TRIM37: variants seen among roughly 807,000 people sequenced by gnomAD.
The protein encoded by TRIM37 is E3 ubiquitin-protein ligase TRIM37.
In TRIM37, 80 loss-of-function variants were observed where a neutral mutation model predicts 129.8. That is an observed-to-expected ratio of 0.62 (90% confidence interval 0.51 to 0.74). The LOEUF (loss-of-function observed/expected upper bound fraction) is 0.74. TRIM37 is among the 30% of genes least tolerant of loss of function. The pLI is 0.00. For synonymous variants in TRIM37, 389 were observed against 387.1 expected, an observed-to-expected ratio of 1.00 and a Z score of -0.06; for missense variants, 1,054 against 1,176.5, an observed-to-expected ratio of 0.90 and a Z score of 1.52.
At chr17:59,090,279 T>A (rs1351774713) in intron 3 of TRIM37, among the ~76,000 whole-genome samples, 1 of 152,222 alleles carries the variant, frequency 6.6e-6, no homozygotes, top group East Asian at 1.9e-4. Context: ...GACTTATGTA[T>A]ACATACAATC....
At chr17:59,034,511 C>T (rs898631745) in intron 17 of TRIM37, among the ~76,000 whole-genome samples, 3 of 151,930 alleles carry the variant, frequency 2.0e-5, no homozygotes, top group African/African-American at 7.3e-5. Context: ...AGGCATGCAG[C>T]ACCATGCCTG....
chr17:58,969,165 C>G, the TRIM37 span, among the ~76,000 whole-genome samples: 1 of 152,130 alleles, frequency 6.6e-6, no homozygotes, highest in Non-Finnish European at 1.5e-5. Flanking sequence ...CAATCTGGAG[C>G]TGCTTTTGTT....
the TRIM37 span, among the ~76,000 whole-genome samples, chr17:58,975,259 T>C: frequency 1.3e-5 from 2 of 152,242 alleles, no homozygotes; most frequent in African/African-American, 2.4e-5. Flanking sequence ...GAGGATCATC[T>C]TTAATACTTG....
downstream of TRIM37, chr17:58,980,319 A>C (rs746918842): frequency 6.8e-6 from 11 of 1,614,156 alleles, no homozygotes; most frequent in Non-Finnish European, 7.6e-6. The surrounding 1 kb of genome is among the most constrained non-coding windows in gnomAD (Gnocchi z 4.7). Flanking sequence ...GGGGATGATA[A>C]GGAGAATCAT....
intron 3 of TRIM37, 30 bp downstream of exon 3, chr17:59,091,270 A>C: frequency 6.3e-7 from 1 of 1,576,482 alleles, no homozygotes; most frequent in Non-Finnish European, 8.7e-7. Flanking sequence ...TATTTTCAAA[A>C]TTCACAAATA....
chr17:58,983,303 ATT>A (rs2031489555), intron 24 of TRIM37: 1 of 170,584 alleles, frequency 5.9e-6, no homozygotes, highest in African/African-American at 2.4e-5. Context: ...CAACATGCGT[ATT>A]TATAGAGTAG....
intron 16 of TRIM37, among the ~76,000 whole-genome samples, chr17:59,046,560 CAG>C (rs2039822513): frequency 1.3e-5 from 1 of 78,288 alleles, no homozygotes; most frequent in East Asian, 4.1e-4. Flanking sequence ...TTTTTTGAGA[CAG>C]AGTCTCAACT....
chr17:59,075,650 G>A lies in TRIM37; in HGVS notation c.681C>T (p.His227=). ...ATTACATTTAATATTTCATCACCTG[G>A]TGCTCCACCTCCTGAAGTAAGGATT... The part of the protein sequence containing the change: ...LLESLLQEVE[H]QLRSCSKSEL... Residue 227 remains histidine, a synonymous_variant, in exon 8 of 24, where the codon CAC becomes CAT. Coordinates refer to ENST00000262294, the MANE Select transcript of TRIM37 (RefSeq NM_015294.6). The A allele has an allele frequency of 1.2e-6, 2 of 1,602,260 alleles. No individual in the cohort carries two copies. The highest frequency in any genetic ancestry group is 2.2e-5 in the East Asian group (1 of 44,800).
intron 16 of TRIM37, among the ~76,000 whole-genome samples, chr17:59,047,014 C>T (rs1401787247): frequency 6.6e-6 from 1 of 151,478 alleles, no homozygotes; most frequent in African/African-American, 2.4e-5. Context: ...ATTAGCTGGG[C>T]GAGGTGGCGG....
chr17:59,087,471 T>TTTTTTC (rs2043868601), intron 4 of TRIM37, among the ~76,000 whole-genome samples: 1 of 150,562 alleles, frequency 6.6e-6, no homozygotes, highest in South Asian at 2.1e-4. Context: ...TTTTTTTTTT[T>TTTTTTC]TTTTCTTTTT....
At chr17:59,092,100 C>CA (rs534559593) in intron 2 of TRIM37, among the ~76,000 whole-genome samples, 26 of 151,908 alleles carry the variant, frequency 1.7e-4, no homozygotes, top group African/African-American at 6.3e-4. Context: ...AGTCTTAAAA[C>CA]AGTTTCACAG....
At chr17:59,052,305 G>C (rs2040425949) in intron 13 of TRIM37, among the ~76,000 whole-genome samples, 1 of 151,748 alleles carries the variant, frequency 6.6e-6, no homozygotes, top group African/African-American at 2.4e-5. Flanking sequence ...AAAAATTGCA[G>C]TGCATGTGTG....
At chr17:58,982,877 T>C in exon 25 of TRIM37, 1 of 1,564,236 alleles carries the variant, frequency 6.4e-7, no homozygotes, top group Non-Finnish European at 8.7e-7. Flanking sequence ...GAAGCCTAGA[T>C]CTTGTTAACC....
At chr17:59,039,205 C>A (rs911854917) in intron 17 of TRIM37, among the ~76,000 whole-genome samples, 2 of 152,176 alleles carry the variant, frequency 1.3e-5, no homozygotes, top group Non-Finnish European at 1.5e-5. Flanking sequence ...ATGTTCACAG[C>A]TCCTCCTATA....
intron 19 of TRIM37, among the ~76,000 whole-genome samples, chr17:59,022,807 C>A (rs1259921967): frequency 6.6e-6 from 1 of 151,988 alleles, no homozygotes; most frequent in African/African-American, 2.4e-5. Flanking sequence ...AAAAGATATT[C>A]GGCCTCACCT....
At chr17:59,013,392 C>G (rs2035543457) in intron 21 of TRIM37, among the ~76,000 whole-genome samples, 1 of 152,152 alleles carries the variant, frequency 6.6e-6, no homozygotes, top group Admixed American at 6.6e-5. Flanking sequence ...AGTGATCTGC[C>G]CACCTCAGCT....
intron 24 of TRIM37, among the ~76,000 whole-genome samples, chr17:58,991,215 G>T (rs2032371799): frequency 6.6e-6 from 1 of 150,376 alleles, no homozygotes; most frequent in Non-Finnish European, 1.5e-5. Flanking sequence ...CCTCCTAGTT[G>T]GTTACACTGG....
intron 4 of TRIM37, 178 bp downstream of exon 4, chr17:59,088,113 A>C (rs998094690): frequency 1.6e-5 from 10 of 619,982 alleles, no homozygotes; most frequent in African/African-American, 1.5e-4. Context: ...ACTGTTGTTA[A>C]ATAAACACAA....
chr17:59,015,008 C>T (rs1285657101), intron 21 of TRIM37, among the ~76,000 whole-genome samples: 4 of 148,194 alleles, frequency 2.7e-5, no homozygotes, highest in Admixed American at 2.0e-4. Context: ...ACCTGGGAGG[C>T]GGAGCGTGCA....
Sources: gnomAD v4.1 joint callset for allele counts (sites outside exome capture counted in the v4.1 genomes callset) on GRCh38, gnomAD v4.1.1 for gene constraint, Gnocchi (gnomAD v3.1) non-coding constraint, MANE v1.5 for transcripts, NCBI Gene and HGNC (gene_info 2026-07-23, HGNC 2026-07-21) for gene names.